The following SLC9A9 variants were observed in gnomAD, a reference collection of about 807,000 sequenced individuals.
SLC9A9 encodes the protein solute carrier family 9 member A9.
SLC9A9 carries 62 observed loss-of-function variants against 77.8 expected under a neutral mutation model. The ratio of observed to expected loss-of-function variants is 0.80; its 90% CI spans 0.65 to 0.98. The LOEUF (loss-of-function observed/expected upper bound fraction) is 0.98, where lower values mean the gene tolerates loss of function less well. Ranked by LOEUF, SLC9A9 falls within the 50% of genes least tolerant of loss-of-function variation. The pLI is 0.00. For synonymous variants in SLC9A9, 320 were observed against 283.5 expected (o/e 1.13, Z -1.29); for missense variants, 775 against 774.9 (o/e 1.00, Z 0.00).
chr3:143,572,322 TGC>T (rs4025526), intron 8 of SLC9A9, among the ~76,000 whole-genome samples: 4 of 148,874 alleles, frequency 2.7e-5, no homozygotes, highest in African/African-American at 9.9e-5. Flanking sequence ...TGTGTGTGTG[TGC>T]GCGTGTGTTT....
chr3:143,343,510 G>A (rs2032172693), intron 14 of SLC9A9: 1 of 152,010 alleles, frequency 6.6e-6, no homozygotes, highest in Non-Finnish European at 1.5e-5. Flanking sequence ...ATGTGGTCTT[G>A]GATTCAGCAA....
At chr3:143,680,830 T>C (rs551547918) in intron 5 of SLC9A9, among the ~76,000 whole-genome samples, 1 of 152,312 alleles carries the variant, frequency 6.6e-6, no homozygotes, top group African/African-American at 2.4e-5. Flanking sequence ...CTTTACACAT[T>C]CTCTGCTTTG....
chr3:143,839,397 G>C (rs1361764922), intron 1 of SLC9A9, among the ~76,000 whole-genome samples: 1 of 152,086 alleles, frequency 6.6e-6, no homozygotes, highest in Non-Finnish European at 1.5e-5. Flanking sequence ...TCACAGGATA[G>C]AGTCATATGA....
At chr3:143,783,264 C>T (rs2007940873) in intron 4 of SLC9A9, among the ~76,000 whole-genome samples, 2 of 152,100 alleles carry the variant, frequency 1.3e-5, no homozygotes, top group Non-Finnish European at 2.9e-5. Context: ...CCATCTTTAT[C>T]TCCTACTCCC....
At chr3:143,531,320 T>A (rs1323441404) in intron 9 of SLC9A9, among the ~76,000 whole-genome samples, 1 of 152,226 alleles carries the variant, frequency 6.6e-6, no homozygotes, top group Non-Finnish European at 1.5e-5. Flanking sequence ...TCTTCATTTA[T>A]AAGCCTCTAG....
intron 4 of SLC9A9, among the ~76,000 whole-genome samples, chr3:143,780,187 T>C (rs1205736299): frequency 6.6e-6 from 1 of 152,198 alleles, no homozygotes; most frequent in Non-Finnish European, 1.5e-5. Flanking sequence ...TTTGCCTGGA[T>C]AGGGAAGAGC....
chr3:143,667,471 A>G (rs1192683463), intron 5 of SLC9A9, among the ~76,000 whole-genome samples: 2 of 152,234 alleles, frequency 1.3e-5, no homozygotes, highest in Non-Finnish European at 1.5e-5. Context: ...AAAAGCCAAA[A>G]TTGACAAATG....
At chr3:143,734,717 A>G (rs1934895688) in intron 4 of SLC9A9, among the ~76,000 whole-genome samples, 1 of 146,092 alleles carries the variant, frequency 6.8e-6, no homozygotes, top group Non-Finnish European at 1.5e-5. Context: ...CTGGCAACAG[A>G]GCAAGACTCC....
chr3:143,267,572 T>G (rs1462684953), intron 15 of SLC9A9, among the ~76,000 whole-genome samples: 1 of 152,090 alleles, frequency 6.6e-6, no homozygotes, highest in Non-Finnish European at 1.5e-5. Context: ...AGGCTGGTCT[T>G]GAACTCCTGA....
chr3:143,495,559 C>T, intron 9 of SLC9A9, 111 bp from the exon 10 acceptor site: 1 of 818,474 alleles, frequency 1.2e-6, no homozygotes, highest in Non-Finnish European at 2.1e-6. Flanking sequence ...TCTGGAAGGC[C>T]ACCCCTTTGG....
At chr3:143,771,757 A>G (rs2007525479) in intron 4 of SLC9A9, among the ~76,000 whole-genome samples, 1 of 152,204 alleles carries the variant, frequency 6.6e-6, no homozygotes, top group Non-Finnish European at 1.5e-5. Context: ...TGGGAAAGGA[A>G]TGGAGCCCTC....
At chr3:143,377,955 A>G (rs1457667864) in intron 13 of SLC9A9, among the ~76,000 whole-genome samples, 1 of 152,144 alleles carries the variant, frequency 6.6e-6, no homozygotes, top group East Asian at 1.9e-4. Context: ...CAATGCCTCC[A>G]TACTTGCTGT....
At chr3:143,504,430 A>G (rs1353413806) in intron 9 of SLC9A9, among the ~76,000 whole-genome samples, 1 of 152,216 alleles carries the variant, frequency 6.6e-6, no homozygotes, top group East Asian at 1.9e-4. Context: ...TGGGCTGTAG[A>G]GGTGGCACAG....
Position 143,266,456 on chromosome 3 carries a change from C to A in SLC9A9, c.*246G>T. ...TAGACTCCTGATACCTCCATCCCCA[C>A]CCCAGCCAATCCAGTAATCAGAATG... On this transcript the variant is annotated 3_prime_UTR_variant, in exon 16 of 16. Transcript: ENST00000316549. 3.5e-6 allele frequency: 2 copies of A among 568,850 alleles called. No individual in the cohort carries two copies. Among genetic ancestry groups the A allele is most frequent in the Admixed American group, 2.9e-5 (1 of 34,844 alleles). The allele number at this position is 568,850 out of a possible 1,614,324, so 35.2% of individuals were successfully genotyped here.
At chr3:143,772,886 T>G (rs552925682) in intron 4 of SLC9A9, among the ~76,000 whole-genome samples, 2 of 152,302 alleles carry the variant, frequency 1.3e-5, no homozygotes, top group East Asian at 3.9e-4. Flanking sequence ...ACATGGAAAT[T>G]GGGTTGATTT....
intron 14 of SLC9A9, among the ~76,000 whole-genome samples, chr3:143,307,901 C>T (rs1055692259): frequency 2.0e-5 from 3 of 152,204 alleles, no homozygotes; most frequent in Non-Finnish European, 4.4e-5. Flanking sequence ...TTGCTAGGAA[C>T]TTTCCTGACT....
chr3:143,624,807 G>A (rs149712158), intron 6 of SLC9A9, among the ~76,000 whole-genome samples: 135 of 151,922 alleles, frequency 8.9e-4, no homozygotes, highest in African/African-American at 2.9e-3. Flanking sequence ...ATTCAATTAG[G>A]AAGAGGAAAT....
chr3:143,469,703 A>G (rs1272252987), intron 11 of SLC9A9, among the ~76,000 whole-genome samples: 1 of 152,236 alleles, frequency 6.6e-6, no homozygotes, highest in African/African-American at 2.4e-5. Flanking sequence ...AGAGAGACTT[A>G]ATATGTTTTG....
intron 13 of SLC9A9, among the ~76,000 whole-genome samples, chr3:143,379,242 T>C (rs1003483482): frequency 4.6e-5 from 7 of 152,170 alleles, no homozygotes; most frequent in African/African-American, 1.7e-4. Flanking sequence ...CTCCTAAGAA[T>C]TGGGGTTATG....
Sources: allele counts gnomAD v4.1 joint callset (sites outside exome capture counted in the v4.1 genomes callset), GRCh38; gene constraint gnomAD v4.1.1; transcripts MANE v1.5; gene names NCBI Gene and HGNC (gene_info 2026-07-23, HGNC 2026-07-21).